Variants in ADAM18 observed in about 807,000 individuals in gnomAD.
The protein encoded by ADAM18 is disintegrin and metalloproteinase domain-containing protein 18.
Under a neutral mutation model 94.4 loss-of-function variants are expected in ADAM18, and 117 were observed. The observed-to-expected ratio is 1.24, with a 90% CI of 1.07 to 1.45. The LOEUF is 1.45. Ranked by LOEUF, ADAM18 falls within the 40% of genes most tolerant of loss-of-function variation. ADAM18 has a pLI of 0.00. For synonymous variants in ADAM18, 327 were observed against 291.6 expected, an observed-to-expected ratio of 1.12 and a Z score of -1.24; for missense variants, 936 against 880.0, an observed-to-expected ratio of 1.06 and a Z score of -0.81.
intron 12 of ADAM18, among the ~76,000 whole-genome samples, chr8:39,658,112 T>A (rs1455846760): frequency 6.6e-6 from 1 of 152,210 alleles, no homozygotes; most frequent in Non-Finnish European, 1.5e-5. Flanking sequence ...TAATAATTTG[T>A]TGCTTTTTAT....
rs1284387435 is a variant in ADAM18, at chr8:39,723,886, G to A, written c.2156G>A (p.Arg719Lys). The part of the protein sequence containing the change: ...KRNEISKSCN[R>K]ENAEYNRNSS... ...AATGAAATAAGTAAATCATGTAACA[G>A]AGAGAATGCAGAGTATAATCGGTAA... Residue 719 changes from arginine (R) to lysine (K), a missense_variant, in exon 19 of 20, where the codon AGA becomes AAA. Physicochemically the swap from Arg to Lys is conservative, Grantham distance 26. Transcript: ENST00000265707. 1 of 1,551,612 alleles carries A rather than the reference G, an allele frequency of 6.4e-7. No homozygotes were observed. Among genetic ancestry groups the A allele is most frequent in the African/African-American group, 1.4e-5 (1 of 72,142 alleles).
chr8:39,668,594 C>G (rs891116998), intron 14 of ADAM18, among the ~76,000 whole-genome samples: 2 of 152,060 alleles, frequency 1.3e-5, no homozygotes, highest in Non-Finnish European at 2.9e-5. Context: ...TATTTCCTAA[C>G]TGAGGAATAA....
At position 39,671,745 on chromosome 8, in the gene ADAM18, G is replaced by A. The variant is rs751408353; in HGVS notation, c.1525+3549G>A. Among the ~76,000 whole-genome samples the A allele has an allele frequency of 3.3e-5, 5 of 152,052 alleles. 1 individual carries two copies. The highest frequency in any genetic ancestry group is 3.9e-4 in the East Asian group (2 of 5,178). ...AGTGTATTCTCATCAGTATCTTCTC[G>A]CTATCCTTCGTGGCCACTAGCTGAA... On this transcript the variant is annotated intron_variant, in intron 14 of 19. Transcript: ENST00000265707.
chr8:39,620,140 T>C (rs2129578772), intron 6 of ADAM18, among the ~76,000 whole-genome samples: 1 of 152,066 alleles, frequency 6.6e-6, no homozygotes, highest in Non-Finnish European at 1.5e-5. Flanking sequence ...GTCTCTTCAA[T>C]ATATGGTGCT....
intron 6 of ADAM18, among the ~76,000 whole-genome samples, chr8:39,626,749 C>G (rs533148068): frequency 3.3e-5 from 5 of 151,922 alleles, no homozygotes; most frequent in African/African-American, 9.7e-5. Flanking sequence ...TAGTTTTACT[C>G]CACTGTGTCT....
At chr8:39,605,455 T>C (rs1819046455) in intron 2 of ADAM18, among the ~76,000 whole-genome samples, 1 of 152,172 alleles carries the variant, frequency 6.6e-6, no homozygotes, top group Non-Finnish European at 1.5e-5. Context: ...TAGCTCTTTT[T>C]CCACAGTTTT....
intron 2 of ADAM18, among the ~76,000 whole-genome samples, chr8:39,593,442 A>G (rs1818639287): frequency 6.6e-6 from 1 of 152,166 alleles, no homozygotes; most frequent in Non-Finnish European, 1.5e-5. Flanking sequence ...AGCCAAAGCA[A>G]TACTGAGGAA....
At position 39,610,529 on chromosome 8, in the gene ADAM18, G is replaced by A. The variant is rs1190599548; in HGVS notation, c.345G>A (p.Arg115=). The change falls in exon 6 of 20, where the codon AGG becomes AGA. Residue 115 remains arginine (R), a splice_region_variant and synonymous_variant. Transcript: ENST00000265707. ...TTTCTTATGCCTTCTAAATTTTCAG[G>A]GGATTTCTCCAGTTTGAAAATATCA... ...FVTLSICSGL[R]GFLQFENISY... The A allele has an allele frequency of 5.0e-6, 8 of 1,586,674 alleles. No homozygotes were observed. Among genetic ancestry groups the A allele is most frequent in the African/African-American group, 1.4e-5 (1 of 73,956 alleles).
At chr8:39,601,775 AT>A (rs1204030422) in intron 2 of ADAM18, among the ~76,000 whole-genome samples, 1 of 152,126 alleles carries the variant, frequency 6.6e-6, no homozygotes, top group Non-Finnish European at 1.5e-5. Flanking sequence ...AATCTCTAGA[AT>A]TTTTTTATAT....
intron 18 of ADAM18, among the ~76,000 whole-genome samples, chr8:39,714,771 CTG>C (rs1374495744): frequency 6.6e-6 from 1 of 152,180 alleles, no homozygotes; most frequent in Non-Finnish European, 1.5e-5. Context: ...TTCTTCAAAA[CTG>C]TGACTTGAAA....
chr8:39,634,707 C>T (rs1377478543), intron 7 of ADAM18, among the ~76,000 whole-genome samples: 1 of 152,138 alleles, frequency 6.6e-6, no homozygotes, highest in Non-Finnish European at 1.5e-5. Flanking sequence ...ATCTTGGAAT[C>T]ATATAACTTG....
chr8:39,668,249 G>A, intron 14 of ADAM18, 53 bp downstream of exon 14: 1 of 1,543,778 alleles, frequency 6.5e-7, no homozygotes, highest in Non-Finnish European at 8.9e-7. Flanking sequence ...TCTCTCTGTA[G>A]AGTACATTAT....
chr8:39,623,918 C>T (rs1249909803), intron 6 of ADAM18, among the ~76,000 whole-genome samples: 1 of 152,120 alleles, frequency 6.6e-6, no homozygotes, highest in Non-Finnish European at 1.5e-5. Context: ...TGATGTTTAG[C>T]ATTTTTCATG....
At chr8:39,688,956 A>G (rs1821691141) in intron 16 of ADAM18, among the ~76,000 whole-genome samples, 1 of 152,086 alleles carries the variant, frequency 6.6e-6, no homozygotes, top group African/African-American at 2.4e-5. Context: ...CATTTTCTTA[A>G]TGCTCGATGA....
chr8:39,686,105 C>T (rs1821599705), intron 16 of ADAM18, among the ~76,000 whole-genome samples: 1 of 152,166 alleles, frequency 6.6e-6, no homozygotes, highest in Admixed American at 6.5e-5. Context: ...ATCCTTAATT[C>T]TCCACTTACA....
Position 39,680,034 on chromosome 8 carries a change from C to T in ADAM18, c.1632-3C>T. The T allele has an allele frequency of 6.2e-7, 1 of 1,612,694 alleles. No individual in the cohort carries two copies. On this transcript the variant is annotated splice_polypyrimidine_tract_variant and splice_region_variant and intron_variant, in intron 15 of 19. Coordinates refer to ENST00000265707, the MANE Select transcript of ADAM18 (RefSeq NM_014237.3). The stretch of plus-strand genomic sequence containing the variant: ...TAAGGAACTTTTTGCTTTCCACTTC[C>T]AGGGATGTTCTCTGTGGAAAATTAG...
intron 6 of ADAM18, among the ~76,000 whole-genome samples, chr8:39,624,663 A>G (rs1207719253): frequency 3.3e-5 from 5 of 152,150 alleles, no homozygotes; most frequent in Non-Finnish European, 7.3e-5. Flanking sequence ...TGTAATCCTC[A>G]GTGTTGGAGG....
Position 39,609,544 on chromosome 8 carries a change from T to C in ADAM18, c.327T>C (p.Ser109=), listed in dbSNP as rs1819201750. The change falls in exon 5 of 20, where the codon AGT becomes AGC. Residue 109 remains serine, a synonymous_variant. Transcript: ENST00000265707. ...TTCCAAATTCATTTGTGACACTCAG[T>C]ATATGTTCTGGTCTCAGGTAATAGC... ...AEFPNSFVTL[S]ICSGLRGFLQ... is the part of the protein sequence containing the mutation. 2 of 1,610,026 alleles carry C rather than the reference T, an allele frequency of 1.2e-6. No individual in the cohort carries two copies. Among genetic ancestry groups the C allele is most frequent in the Non-Finnish European group, 8.5e-7 (1 of 1,177,330 alleles).
At position 39,723,822 on chromosome 8, in the gene ADAM18, C is replaced by T; in HGVS notation, c.2092C>T (p.Pro698Ser). Residue 698 changes from proline (P) to serine (S), a missense_variant, in exon 19 of 20, where the codon CCG becomes TCG. Pro to Ser is a moderately conservative substitution (Grantham distance 74). Coordinates refer to ENST00000265707, the MANE Select transcript of ADAM18 (RefSeq NM_014237.3). ...WFILSFCIFL[P>S]FFIVFTTVIF... Reference sequence around the variant, plus strand: ...TATTCTGAGTTTCTGCATTTTTCTGCCGTTTTTCATAGTTTTCACCACTGT... The same window carrying T: ...TATTCTGAGTTTCTGCATTTTTCTGTCGTTTTTCATAGTTTTCACCACTGT... 6.3e-7 allele frequency: 1 copy of T among 1,585,442 alleles called. No homozygotes were observed. Among genetic ancestry groups the T allele is most frequent in the Non-Finnish European group, 8.6e-7 (1 of 1,165,730 alleles).
Sources: allele counts gnomAD v4.1 joint callset (sites outside exome capture counted in the v4.1 genomes callset), GRCh38; gene constraint gnomAD v4.1.1; transcripts MANE v1.5; gene names NCBI Gene and HGNC (gene_info 2026-07-23, HGNC 2026-07-21).